The following PTPRM variants were observed in gnomAD, a reference collection of about 807,000 sequenced individuals.
PTPRM encodes protein tyrosine phosphatase receptor type M, also known as receptor-type tyrosine-protein phosphatase mu.
PTPRM carries 47 observed loss-of-function variants against 186.7 expected under a neutral mutation model. That is an observed-to-expected ratio of 0.25 (90% confidence interval 0.20 to 0.32). PTPRM has a LOEUF of 0.32. Among genes scored for constraint, PTPRM ranks in the 10% least tolerant of loss-of-function variants. The pLI is 1.00. For missense variants in PTPRM, 1,494 were observed against 1,865.0 expected, an observed-to-expected ratio of 0.80 and a Z score of 3.66; for synonymous variants, 668 against 674.9, an observed-to-expected ratio of 0.99 and a Z score of 0.16.
chr18:7,898,109 G>A (rs138330918), intron 3 of PTPRM, among the ~76,000 whole-genome samples: 38 of 152,122 alleles, frequency 2.5e-4, no homozygotes, highest in African/African-American at 8.2e-4. Context: ...ATGTTTTGTG[G>A]TTTTGCCTGG....
At chr18:8,131,961 C>A (rs947807816) in intron 13 of PTPRM, among the ~76,000 whole-genome samples, 26 of 152,290 alleles carry the variant, frequency 1.7e-4, no homozygotes, top group African/African-American at 5.5e-4. Context: ...AATATCCAAG[C>A]AATGCATCAC....
chr18:7,787,329 A>G (rs1022133321), intron 2 of PTPRM, among the ~76,000 whole-genome samples: 4 of 152,234 alleles, frequency 2.6e-5, no homozygotes, highest in Non-Finnish European at 5.9e-5. Flanking sequence ...ATGAACTGTC[A>G]TAAGAGATAG....
chr18:8,107,884 T>A (rs2091593065), intron 11 of PTPRM, among the ~76,000 whole-genome samples: 1 of 152,216 alleles, frequency 6.6e-6, no homozygotes, highest in Non-Finnish European at 1.5e-5. Context: ...CTCTAAGGAA[T>A]CTGAGCAGTA....
At position 8,252,373 on chromosome 18, in the gene PTPRM, T is replaced by C; in HGVS notation, c.2555-115T>C. Reference sequence around the variant, plus strand: ...ACCACCTCTGAATAGAAAACTTAACTGGAAAGTTAAAGCATAAAATAAAAA... The same window carrying C: ...ACCACCTCTGAATAGAAAACTTAACCGGAAAGTTAAAGCATAAAATAAAAA... On this transcript the variant is annotated intron_variant, in intron 17 of 32. Coordinates refer to ENST00000580170, the MANE Select transcript of PTPRM (RefSeq NM_001105244.2). The C allele has an allele frequency of 6.6e-6, 6 of 911,410 alleles. No homozygotes were observed. In the South Asian group the frequency reaches 8.2e-5, roughly 12 times the overall value. 56.5% of individuals were successfully genotyped at this position (911,410 alleles called of 1,614,324 possible). A position where few individuals can be genotyped will look rare whatever the true frequency, so the allele number is the denominator to read the frequency against.
At chr18:8,262,678 G>A (rs2094646432) in intron 19 of PTPRM, among the ~76,000 whole-genome samples, 1 of 152,226 alleles carries the variant, frequency 6.6e-6, no homozygotes, top group East Asian at 1.9e-4. Context: ...ACAGCTCTGT[G>A]TTTGAATAAT....
At chr18:7,814,672 TG>T (rs1297661525) in intron 2 of PTPRM, 1 of 152,224 alleles carries the variant, frequency 6.6e-6, no homozygotes, top group Non-Finnish European at 1.5e-5. Context: ...AGCCAGAAAC[TG>T]GGGAGTGGCC....
At chr18:7,838,624 T>C (rs1231831279) in intron 2 of PTPRM, among the ~76,000 whole-genome samples, 2 of 152,234 alleles carry the variant, frequency 1.3e-5, no homozygotes, top group Non-Finnish European at 2.9e-5. Context: ...CTGAAGCCTG[T>C]ACAGCACTGG....
chr18:8,356,708 AC>A (rs1319854607), intron 23 of PTPRM, among the ~76,000 whole-genome samples: 2 of 151,950 alleles, frequency 1.3e-5, no homozygotes, highest in Non-Finnish European at 2.9e-5. Flanking sequence ...TATAAGTGAG[AC>A]TCCAGTTGGC....
chr18:7,722,833 G>A (rs1376445081), intron 1 of PTPRM, among the ~76,000 whole-genome samples: 1 of 152,188 alleles, frequency 6.6e-6, no homozygotes, highest in Non-Finnish European at 1.5e-5. Flanking sequence ...GGGACAGAGA[G>A]CTCATGTAAA....
intron 22 of PTPRM, among the ~76,000 whole-genome samples, chr18:8,337,272 C>T (rs2148211439): frequency 6.6e-6 from 1 of 152,168 alleles, no homozygotes; most frequent in Admixed American, 6.5e-5. Context: ...CTCAAGCAAT[C>T]CTCCCATCTC....
intron 2 of PTPRM, among the ~76,000 whole-genome samples, chr18:7,787,576 G>A (rs1003247388): frequency 2.0e-5 from 3 of 152,170 alleles, no homozygotes; most frequent in East Asian, 1.9e-4. Context: ...GCATTGAGAC[G>A]CTTTTAGCCC....
intron 7 of PTPRM, among the ~76,000 whole-genome samples, chr18:8,025,844 T>C (rs905742453): frequency 1.3e-5 from 2 of 152,174 alleles, no homozygotes; most frequent in Non-Finnish European, 2.9e-5. Context: ...TTTTAATATT[T>C]AGCTGTCTAT....
At chr18:8,214,531 G>A (rs944238675) in intron 14 of PTPRM, among the ~76,000 whole-genome samples, 12 of 152,060 alleles carry the variant, frequency 7.9e-5, no homozygotes, top group African/African-American at 2.2e-4. Flanking sequence ...AGTATTCTAT[G>A]TTTTCTTTAT....
At chr18:8,242,876 G>T (rs1177789584) in intron 14 of PTPRM, among the ~76,000 whole-genome samples, 1 of 152,190 alleles carries the variant, frequency 6.6e-6, no homozygotes, top group Non-Finnish European at 1.5e-5. Flanking sequence ...TAAATTCTGT[G>T]TCCTAGGTCA....
At chr18:8,008,511 G>A (rs1406500726) in intron 7 of PTPRM, among the ~76,000 whole-genome samples, 2 of 152,120 alleles carry the variant, frequency 1.3e-5, no homozygotes, top group African/African-American at 4.8e-5. Flanking sequence ...CCCCATCCTA[G>A]CTCTTGAATG....
intron 2 of PTPRM, among the ~76,000 whole-genome samples, chr18:7,863,049 A>T (rs1417371007): frequency 6.6e-6 from 1 of 152,158 alleles, no homozygotes; most frequent in African/African-American, 2.4e-5. Context: ...TGGGAATAAG[A>T]TTCGTTCTCA....
chr18:7,889,745 G>GTCATAAGAA (rs2048974750), intron 3 of PTPRM, among the ~76,000 whole-genome samples: 1 of 151,940 alleles, frequency 6.6e-6, no homozygotes, highest in Non-Finnish European at 1.5e-5. Flanking sequence ...GAGTAAATGA[G>GTCATAAGAA]ATGAGCCCTG....
At chr18:8,292,874 A>G (rs889616564) in intron 19 of PTPRM, among the ~76,000 whole-genome samples, 2 of 152,236 alleles carry the variant, frequency 1.3e-5, no homozygotes, top group African/African-American at 2.4e-5. Context: ...ATTGTTGGCC[A>G]TGTGTATTTA....
intron 1 of PTPRM, among the ~76,000 whole-genome samples, chr18:7,692,726 C>T (rs962268457): frequency 6.6e-6 from 1 of 152,166 alleles, no homozygotes. Flanking sequence ...TAAATCAAAT[C>T]ATTGTTTTTC....
Sources: allele counts gnomAD v4.1 joint callset (sites outside exome capture counted in the v4.1 genomes callset), GRCh38; gene constraint gnomAD v4.1.1; transcripts MANE v1.5; gene names NCBI Gene and HGNC (gene_info 2026-07-23, HGNC 2026-07-21).